KCNQ1: variants seen among roughly 807,000 people sequenced by gnomAD.
The protein encoded by KCNQ1 is potassium voltage-gated channel subfamily Q member 1, also known as potassium voltage-gated channel subfamily KQT member 1.
A neutral mutation model predicts 72.4 loss-of-function variants in KCNQ1; 49 were observed. The observed-to-expected ratio is 0.68, with a 90% CI of 0.54 to 0.86. The LOEUF is 0.86. Ranked by LOEUF, KCNQ1 falls within the 40% of genes least tolerant of loss-of-function variation. The probability of loss-of-function intolerance (pLI) is 0.00; values close to 1 mark genes in which losing one functional copy is unlikely to be tolerated. For synonymous variants in KCNQ1, 450 were observed against 412.6 expected, an observed-to-expected ratio of 1.09 and a Z score of -1.10; for missense variants, 790 against 945.1, an observed-to-expected ratio of 0.84 and a Z score of 2.15.
chr11:2,693,015 G>A (rs769542236), intron 11 of KCNQ1: 6 of 398,540 alleles, frequency 1.5e-5, no homozygotes, highest in Non-Finnish European at 2.2e-5. Flanking sequence ...CACGCTCAGT[G>A]AAGGAACAGG....
chr11:2,754,713 G>A (rs1351280889), intron 11 of KCNQ1, among the ~76,000 whole-genome samples: 1 of 152,146 alleles, frequency 6.6e-6, no homozygotes, highest in African/African-American at 2.4e-5. Flanking sequence ...GTGGATCTAG[G>A]AATTAAATGT....
Position 2,471,467 on chromosome 11 carries a change from C to T in KCNQ1, c.386+25983C>T, listed in dbSNP as rs542505979. Among the ~76,000 whole-genome samples the T allele has an allele frequency of 1.2e-4, 18 of 152,358 alleles. No homozygotes were observed. The highest frequency in any genetic ancestry group is 7.7e-4 in the East Asian group (4 of 5,174). On this transcript the variant is annotated intron_variant, in intron 1 of 15. Transcript: ENST00000155840. This position sits in a 1 kb window ranked among gnomAD's most constrained non-coding sequence, Gnocchi z 4.8. ...CCCAGGGGACCTGCGAGATCCATCTCGCCCCACACACCACCAGGTCCCCAG... is the reference window on the plus strand; with the variant it reads ...CCCAGGGGACCTGCGAGATCCATCTTGCCCCACACACCACCAGGTCCCCAG...
rs1378873663 is a variant in KCNQ1 at position 2,668,195 on chromosome 11, G to A, written c.1514+6114G>A. On this transcript the variant is annotated intron_variant, in intron 11 of 15. Coordinates refer to ENST00000155840, the MANE Select transcript of KCNQ1 (RefSeq NM_000218.3). The surrounding 1 kb of genome is among the most constrained non-coding windows in gnomAD (Gnocchi z 4.3). ...CTGACTGGTGCTCCATTGTGTGCAT[G>A]GCCTACATCATTCATCCATTCTACC... The A allele has an allele frequency of 1.5e-5, 6 of 398,486 alleles. No individual in the cohort carries two copies. The highest frequency in any genetic ancestry group is 2.7e-5 in the Non-Finnish European group (6 of 226,080). The allele number at this position is 398,486 out of a possible 1,614,324, so 24.7% of individuals were successfully genotyped here.
In KCNQ1 at chr11:2,492,314, ACTTAAAAAG is replaced by A. The variant is rs1354176001; in HGVS notation, c.387-35612_387-35604del. Among the ~76,000 whole-genome samples the A allele has an allele frequency of 6.6e-6, 1 of 152,248 alleles. No individual in the cohort carries two copies. The highest frequency in any genetic ancestry group is 1.5e-5 in the Non-Finnish European group (1 of 68,046). On this transcript the variant is annotated intron_variant, in intron 1 of 15. Coordinates refer to ENST00000155840, the MANE Select transcript of KCNQ1 (RefSeq NM_000218.3). This position sits in a 1 kb window ranked among gnomAD's most constrained non-coding sequence, Gnocchi z 4.1. ...TACAATAAGATATAGAGACAAAAAA[ACTTAAAAAG>A]CGGAGAGACAAAAGTTGAAGTGTAG...
chr11:2,620,225 T>TTA lies in KCNQ1; in HGVS notation c.1393+31372_1393+31373insAT. 4.4e-6 allele frequency: 1 copy of TTA among 224,994 alleles called. No individual in the cohort carries two copies. The highest frequency in any genetic ancestry group is 8.4e-6 in the Non-Finnish European group (1 of 119,680). The allele number at this position is 224,994 out of a possible 1,614,324, so 13.9% of individuals were successfully genotyped here. On this transcript the variant is annotated intron_variant, in intron 10 of 15. Transcript: ENST00000155840. This position sits in a 1 kb window ranked among gnomAD's most constrained non-coding sequence, Gnocchi z 4.5. Reference sequence around the variant, plus strand: ...TATATATATATATTTTTTTTTTTTATTTTTTTTTTAGACGGAGTTTCGCTC... The same window carrying TTA: ...TATATATATATATTTTTTTTTTTTATTATTTTTTTTTAGACGGAGTTTCGCTC...
chr11:2,829,670 G>T (rs995715860), intron 15 of KCNQ1, among the ~76,000 whole-genome samples: 1 of 152,042 alleles, frequency 6.6e-6, no homozygotes, highest in African/African-American at 2.4e-5. Context: ...TCCATGTTAG[G>T]CAGTCACTAG....
chr11:2,706,620 C>G (rs1850915351), intron 11 of KCNQ1, among the ~76,000 whole-genome samples: 1 of 152,266 alleles, frequency 6.6e-6, no homozygotes, highest in African/African-American at 2.4e-5. Context: ...TCTCACCAGG[C>G]TTAGTCTGAC....
chr11:2,549,446 C>T lies in KCNQ1; in HGVS notation c.478-21182C>T, dbSNP rs1385786190. Among the ~76,000 whole-genome samples the T allele has an allele frequency of 6.6e-6, 1 of 152,200 alleles. No homozygotes were observed. Among genetic ancestry groups the T allele is most frequent in the African/African-American group, 2.4e-5 (1 of 41,454 alleles). ...GCAGTTTGAGGCCTCAGATTTTCTA[C>T]CTCAAAGCGATGGAACCCAGAAGAC... On this transcript the variant is annotated intron_variant, in intron 2 of 15. Coordinates refer to ENST00000155840, the MANE Select transcript of KCNQ1 (RefSeq NM_000218.3). This position sits in a 1 kb window ranked among gnomAD's most constrained non-coding sequence, Gnocchi z 6.2.
chr11:2,716,056 G>A lies in KCNQ1; in HGVS notation c.1515-52788G>A, dbSNP rs1444215976. Among the ~76,000 whole-genome samples the A allele has an allele frequency of 3.3e-5, 5 of 152,198 alleles. No individual in the cohort carries two copies. The South Asian group carries it at 6.2e-4, about 19-fold the overall frequency. On this transcript the variant is annotated intron_variant, in intron 11 of 15. Transcript: ENST00000155840. ...CATGCACTGAGAGTAATGGGCAAGCGCTGTCTGCAGAGCACTGACCCCACC... is the reference window on the plus strand; with the variant it reads ...CATGCACTGAGAGTAATGGGCAAGCACTGTCTGCAGAGCACTGACCCCACC...
chr11:2,593,439 G>A lies in KCNQ1; in HGVS notation c.1393+4585G>A, dbSNP rs961275419. ...AGGTCGTGGTCTGTGACGTAGGATC[G>A]GGCAGCACGCACCTTTCCACCTGGC... On this transcript the variant is annotated intron_variant, in intron 10 of 15. Coordinates refer to ENST00000155840, the MANE Select transcript of KCNQ1 (RefSeq NM_000218.3). The surrounding 1 kb of genome is among the most constrained non-coding windows in gnomAD (Gnocchi z 6.9). Among the ~76,000 whole-genome samples the A allele has an allele frequency of 2.7e-4, 41 of 152,272 alleles. No homozygotes were observed. Among genetic ancestry groups the A allele is most frequent in the African/African-American group, 8.9e-4 (37 of 41,546 alleles).
intron 15 of KCNQ1, among the ~76,000 whole-genome samples, chr11:2,829,003 A>G (rs76991532): frequency 0.026 from 4,003 of 152,364 alleles, 176 homozygotes; most frequent in African/African-American, 0.091. Context: ...ATGATTTCCC[A>G]TCCAGAATTC....
chr11:2,577,928 T>C (rs1848446963), intron 6 of KCNQ1, among the ~76,000 whole-genome samples: 1 of 151,636 alleles, frequency 6.6e-6, no homozygotes, highest in Non-Finnish European at 1.5e-5. Flanking sequence ...CCTAGGCCCC[T>C]TTCCTCCACC....
At chr11:2,761,055 C>A (rs1193733945) in intron 11 of KCNQ1, among the ~76,000 whole-genome samples, 1 of 152,176 alleles carries the variant, frequency 6.6e-6, no homozygotes, top group Non-Finnish European at 1.5e-5. Flanking sequence ...CTTGCCTTGG[C>A]GTACTGGAAG....
In KCNQ1 at chr11:2,652,930, C is replaced by T. The variant is rs1224846104; in HGVS notation, c.1394-9031C>T. 118 of 398,644 alleles carry T rather than the reference C, an allele frequency of 3.0e-4. No homozygotes were observed. In the East Asian group the frequency reaches 4.1e-3, roughly 14 times the overall value. The allele number at this position is 398,644 out of a possible 1,614,324, so 24.7% of individuals were successfully genotyped here. A position where few individuals can be genotyped will look rare whatever the true frequency, so the allele number is the denominator to read the frequency against. On this transcript the variant is annotated intron_variant, in intron 10 of 15. Transcript: ENST00000155840. The surrounding 1 kb of genome is among the most constrained non-coding windows in gnomAD (Gnocchi z 5.9). ...ATCCTAAACTTAGGTTTTGGAAAGC[C>T]CAGCATCCTCCCTGGGACTTCTCAG...
intron 11 of KCNQ1, among the ~76,000 whole-genome samples, chr11:2,706,453 G>A (rs1187243705): frequency 6.6e-6 from 1 of 152,248 alleles, no homozygotes. Flanking sequence ...TCTACACCTT[G>A]ACTGCAGCCT....
intron 15 of KCNQ1, among the ~76,000 whole-genome samples, chr11:2,823,711 G>C (rs910327006): frequency 6.6e-6 from 1 of 152,242 alleles, no homozygotes; most frequent in Non-Finnish European, 1.5e-5. Context: ...CTCCCTGAGG[G>C]AGGTGTTGTT....
intron 11 of KCNQ1, among the ~76,000 whole-genome samples, chr11:2,758,350 G>T (rs1321388923): frequency 6.6e-6 from 1 of 152,182 alleles, no homozygotes; most frequent in Admixed American, 6.5e-5. Flanking sequence ...AAACCACAGT[G>T]AGCGGTCACT....
In KCNQ1 at chr11:2,699,553, C is replaced by G. The variant is rs191701792; in HGVS notation, c.1514+37472C>G. On this transcript the variant is annotated intron_variant, in intron 11 of 15. Coordinates refer to ENST00000155840, the MANE Select transcript of KCNQ1 (RefSeq NM_000218.3). ...CTGAGGAGGCCCAGGGAGGACCGCG[C>G]GGAGGAGAACCATGCTGAGGAGCCC... is the stretch of plus-strand genomic sequence containing the variant. 1.6e-3 allele frequency: 523 copies of G among 332,588 alleles called. 2 individuals are homozygous for G. Among genetic ancestry groups the G allele is most frequent in the Non-Finnish European group, 2.4e-3 (458 of 194,538 alleles). The allele number at this position is 332,588 out of a possible 1,614,324, so 20.6% of individuals were successfully genotyped here. A position where few individuals can be genotyped will look rare whatever the true frequency, so the allele number is the denominator to read the frequency against.
At chr11:2,753,591 C>T (rs1006719280) in intron 11 of KCNQ1, among the ~76,000 whole-genome samples, 2 of 152,192 alleles carry the variant, frequency 1.3e-5, no homozygotes, top group African/African-American at 2.4e-5. Flanking sequence ...AAGTATACAC[C>T]TCAGTGGCTT....
Sources: allele counts gnomAD v4.1 joint callset (sites outside exome capture counted in the v4.1 genomes callset), GRCh38; gene constraint gnomAD v4.1.1; non-coding constraint Gnocchi (gnomAD v3.1); transcripts MANE v1.5; gene names NCBI Gene and HGNC (gene_info 2026-07-23, HGNC 2026-07-21).